IKBIP: variants seen among roughly 807,000 people sequenced by gnomAD.
The protein encoded by IKBIP is IKBKB interacting protein.
Under a neutral mutation model 31.0 loss-of-function variants are expected in IKBIP, and 28 were observed. That is an observed-to-expected ratio of 0.90 (90% CI 0.67 to 1.24). The LOEUF (loss-of-function observed/expected upper bound fraction) is 1.24, where lower values mean the gene tolerates loss of function less well. Among genes scored for constraint, IKBIP ranks in the 50% most tolerant of loss-of-function variants. The pLI is 0.00. For missense variants in IKBIP, 453 were observed against 441.9 expected (o/e 1.03, Z -0.23); for synonymous variants, 164 against 160.3 (o/e 1.02, Z -0.17).
At chr12:98,632,288 G>C (rs979210457) in intron 2 of IKBIP, among the ~76,000 whole-genome samples, 2 of 150,932 alleles carry the variant, frequency 1.3e-5, no homozygotes, top group Non-Finnish European at 2.9e-5. Flanking sequence ...GGGCAATGTA[G>C]CAAGACCCCG....
downstream of IKBIP, among the ~76,000 whole-genome samples, chr12:98,619,912 ATTATTTATTTAT>A (rs531585772): frequency 7.2e-6 from 1 of 138,528 alleles, no homozygotes; most frequent in African/African-American, 2.6e-5. Context: ...CAGTGATTTG[ATTATTTATTTAT>A]TTATTTATTT....
chr12:98,638,344 G>C (rs1347551010), intron 1 of IKBIP, among the ~76,000 whole-genome samples: 2 of 152,158 alleles, frequency 1.3e-5, no homozygotes, highest in African/African-American at 2.4e-5. Flanking sequence ...CTGGAGTGCA[G>C]TGGTGTGATC....
Position 98,625,762 on chromosome 12 carries a change from A to G in IKBIP, c.*168T>C, listed in dbSNP as rs541495410. 7.1e-6 allele frequency: 3 copies of G among 422,600 alleles called. No homozygotes were observed. Among genetic ancestry groups the G allele is most frequent in the African/African-American group, 6.1e-5 (3 of 49,002 alleles). The allele number at this position is 422,600 out of a possible 1,614,324, so 26.2% of individuals were successfully genotyped here. On this transcript the variant is annotated 3_prime_UTR_variant, in exon 3 of 3. Transcript: ENST00000299157. ...AAATAGTTACAATGAAGTAAGTTTT[A>G]GTGCTTAAAAAGATAAGCTTTGATT...
rs2097613006 is a variant in IKBIP, at chr12:98,625,017, G to C, written c.*913C>G. ...AGACAGGGTTTCACCCTGTTAGCCA[G>C]ATGGTCTTGATCTCCTGACTTCGTG... On this transcript the variant is annotated 3_prime_UTR_variant, in exon 3 of 3. Transcript: ENST00000299157. 1 of 483,096 alleles carries C rather than the reference G, an allele frequency of 2.1e-6. No individual in the cohort carries two copies. The highest frequency in any genetic ancestry group is 2.7e-6 in the Non-Finnish European group (1 of 371,332). The allele number at this position is 483,096 out of a possible 1,614,324, so 29.9% of individuals were successfully genotyped here.
At chr12:98,617,947 G>A (rs1010293191) in intron 2 of IKBIP, among the ~76,000 whole-genome samples, 8 of 152,266 alleles carry the variant, frequency 5.3e-5, no homozygotes, top group African/African-American at 1.7e-4. Context: ...AGTTTGATTT[G>A]ACAGCATATA....
intron 2 of IKBIP, among the ~76,000 whole-genome samples, chr12:98,627,491 T>G (rs1297320779): frequency 1.3e-5 from 2 of 148,482 alleles, no homozygotes; most frequent in African/African-American, 2.5e-5. Context: ...CAGGCTGGAG[T>G]GCAGTGGCGT....
chr12:98,613,641 G>T, exon 3 of IKBIP: 1 of 1,564,390 alleles, frequency 6.4e-7, no homozygotes, highest in Non-Finnish European at 8.7e-7. Flanking sequence ...ATCTCAGCTT[G>T]GACTATTGTT....
At chr12:98,633,705 G>C (rs970285187) in intron 2 of IKBIP, among the ~76,000 whole-genome samples, 3 of 151,516 alleles carry the variant, frequency 2.0e-5, no homozygotes, top group Admixed American at 6.6e-5. Context: ...TACTAGAGAT[G>C]GGGTTTCACC....
chr12:98,644,772 G>C lies in IKBIP; in HGVS notation c.-71C>G. The C allele has an allele frequency of 6.5e-7, 1 of 1,528,660 alleles. No individual in the cohort carries two copies. The highest frequency in any genetic ancestry group is 8.8e-7 in the Non-Finnish European group (1 of 1,131,726). The allele number at this position is 1,528,660 out of a possible 1,614,324, so 94.7% of individuals were successfully genotyped here. ...GGGGGAGCAGGACGTGGCCGCCTTG[G>C]CGTTCGTGGGAACCCTGGGCGGTGA... On this transcript the variant is annotated 5_prime_UTR_variant, in exon 1 of 3. Coordinates refer to ENST00000299157, the MANE Select transcript of IKBIP (RefSeq NM_153687.4).
chr12:98,627,628 C>T (rs1389403884), intron 2 of IKBIP, among the ~76,000 whole-genome samples: 5 of 151,858 alleles, frequency 3.3e-5, no homozygotes, highest in South Asian at 2.1e-4. Flanking sequence ...TTAGTAGAGA[C>T]GGGGTTTCAC....
Position 98,624,706 on chromosome 12 carries a change from C to A in IKBIP, c.*1224G>T. ...AATTTAGTGGTGTGGTTTGGGAAAT[C>A]TTTAAAATGACGTATTTTTAACTAT... On this transcript the variant is annotated 3_prime_UTR_variant, in exon 3 of 3. Transcript: ENST00000299157. 18 of 894,756 alleles carry A rather than the reference C, an allele frequency of 2.0e-5. No homozygotes were observed. The highest frequency in any genetic ancestry group is 2.3e-5 in the Non-Finnish European group (17 of 747,366). 55.4% of individuals were successfully genotyped at this position (894,756 alleles called of 1,614,324 possible). A position where few individuals can be genotyped will look rare whatever the true frequency, so the allele number is the denominator to read the frequency against.
chr12:98,639,424 C>A (rs543156059), intron 1 of IKBIP, among the ~76,000 whole-genome samples: 1 of 152,146 alleles, frequency 6.6e-6, no homozygotes, highest in South Asian at 2.1e-4. Flanking sequence ...AAATAACTCT[C>A]GTTTTTGGGC....
chr12:98,637,568 C>T (rs1055199851), intron 1 of IKBIP, among the ~76,000 whole-genome samples: 1 of 151,860 alleles, frequency 6.6e-6, no homozygotes, highest in African/African-American at 2.4e-5. Flanking sequence ...GCCAACACAC[C>T]CAGCTAATTT....
chr12:98,621,003 T>C (rs1318377889), downstream of IKBIP, among the ~76,000 whole-genome samples: 1 of 152,096 alleles, frequency 6.6e-6, no homozygotes, highest in Non-Finnish European at 1.5e-5. Context: ...ATCCCAGCAC[T>C]TTGGGAGGCC....
chr12:98,631,534 G>A (rs936085597), intron 2 of IKBIP, among the ~76,000 whole-genome samples: 4 of 147,968 alleles, frequency 2.7e-5, no homozygotes, highest in African/African-American at 9.8e-5. Context: ...ACCCACCTCG[G>A]CCCCTCAAAG....
intron 1 of IKBIP, among the ~76,000 whole-genome samples, chr12:98,637,091 T>G (rs1208439731): frequency 1.3e-5 from 2 of 152,196 alleles, no homozygotes; most frequent in Non-Finnish European, 2.9e-5. Context: ...ATTAATGAAC[T>G]TTCTCAGAAC....
intron 2 of IKBIP, 59 bp downstream of exon 2, chr12:98,634,237 A>G: frequency 3.7e-6 from 3 of 809,340 alleles, no homozygotes; most frequent in Non-Finnish European, 6.4e-6. Flanking sequence ...TGGGATAGAG[A>G]AATGATAGTG....
chr12:98,643,940 G>A (rs1196759229), intron 1 of IKBIP, among the ~76,000 whole-genome samples: 1 of 151,060 alleles, frequency 6.6e-6, no homozygotes. Flanking sequence ...CTCAGCCTCC[G>A]GAGGAACTGG....
Position 98,625,206 on chromosome 12 carries a change from A to G in IKBIP, c.*724T>C. On this transcript the variant is annotated 3_prime_UTR_variant, in exon 3 of 3. Transcript: ENST00000299157. ...ATAAAGATATTTCAAAGATTTATAT[A>G]CACATAATTCCTAAGAAAGGCCTTA... The G allele has an allele frequency of 1.0e-6, 1 of 980,562 alleles. No individual in the cohort carries two copies. Among genetic ancestry groups the G allele is most frequent in the Non-Finnish European group, 1.2e-6 (1 of 825,398 alleles). 60.7% of individuals were successfully genotyped at this position (980,562 alleles called of 1,614,324 possible).
Sources: allele counts gnomAD v4.1 joint callset (sites outside exome capture counted in the v4.1 genomes callset), GRCh38; gene constraint gnomAD v4.1.1; transcripts MANE v1.5; gene names NCBI Gene and HGNC (gene_info 2026-07-23, HGNC 2026-07-21).